RALYL: variants seen among roughly 807,000 people sequenced by gnomAD.
RALYL encodes the protein RNA-binding Raly-like protein.
RALYL carries 29 observed loss-of-function variants against 35.1 expected under a neutral mutation model. The observed-to-expected ratio is 0.83, with a 90% CI of 0.61 to 1.13. RALYL has a LOEUF of 1.13. Ranked by LOEUF, RALYL falls within the 50% of genes most tolerant of loss-of-function variation. The pLI is 0.00. For synonymous variants in RALYL, 120 were observed against 127.6 expected (o/e 0.94, Z 0.40); for missense variants, 359 against 360.4 (o/e 1.00, Z 0.03).
intron 4 of RALYL, among the ~76,000 whole-genome samples, chr8:84,820,053 G>A (rs1339986591): frequency 6.6e-6 from 1 of 151,914 alleles, no homozygotes; most frequent in Non-Finnish European, 1.5e-5. Context: ...ATTAGAGAGT[G>A]AGAGAGAGAG....
At chr8:84,514,527 G>A (rs1315909699) in intron 1 of RALYL, among the ~76,000 whole-genome samples, 1 of 152,124 alleles carries the variant, frequency 6.6e-6, no homozygotes, top group Non-Finnish European at 1.5e-5. Flanking sequence ...TGAAAGTTGT[G>A]TACTCACACA....
chr8:84,825,493 G>A (rs1013020820), intron 4 of RALYL, among the ~76,000 whole-genome samples: 9 of 152,038 alleles, frequency 5.9e-5, no homozygotes, highest in African/African-American at 1.2e-4. Flanking sequence ...ATCCCATTAC[G>A]GGGTATATAT....
chr8:84,912,417 A>G (rs543774334), intron 8 of RALYL, among the ~76,000 whole-genome samples: 2 of 152,078 alleles, frequency 1.3e-5, no homozygotes, highest in Non-Finnish European at 1.5e-5. Context: ...GTTTCAAAAA[A>G]GCATTGTTCA....
intron 1 of RALYL, among the ~76,000 whole-genome samples, chr8:84,293,220 T>A (rs919889676): frequency 6.6e-6 from 1 of 152,028 alleles, no homozygotes; most frequent in African/African-American, 2.4e-5. Flanking sequence ...TTTTTCAAAA[T>A]AGGAAGAAAA....
chr8:84,258,516 C>A (rs769055503), intron 1 of RALYL, among the ~76,000 whole-genome samples: 1 of 151,874 alleles, frequency 6.6e-6, no homozygotes, highest in Non-Finnish European at 1.5e-5. Context: ...AACTCCTCCT[C>A]CTTGCCCAAA....
At chr8:84,501,534 A>C (rs2056657507) in intron 1 of RALYL, among the ~76,000 whole-genome samples, 1 of 152,062 alleles carries the variant, frequency 6.6e-6, no homozygotes, top group Admixed American at 6.6e-5. Context: ...CATTTCCATA[A>C]GATATAAACA....
rs569046916 is a variant in RALYL at position 84,323,646 on chromosome 8, A to G, written c.-24+139222A>G. Among the ~76,000 whole-genome samples the G allele has an allele frequency of 1.0e-3, 156 of 152,208 alleles. 3 individuals carry two copies. The highest frequency in any genetic ancestry group is 3.7e-3 in the African/African-American group (153 of 41,584). On this transcript the variant is annotated intron_variant, in intron 1 of 8. Coordinates refer to ENST00000521268, the MANE Select transcript of RALYL (RefSeq NM_173848.7). ...AACCAGCACATCAGTAGGTAAAGGC[A>G]CTTGAAATGTTCTTCTAGATTAAAT...
intron 2 of RALYL, among the ~76,000 whole-genome samples, chr8:84,717,420 C>T: frequency 6.6e-6 from 1 of 152,076 alleles, no homozygotes; most frequent in East Asian, 1.9e-4. Context: ...TTACTACTGG[C>T]AGCAATTAAT....
intron 2 of RALYL, among the ~76,000 whole-genome samples, chr8:84,695,236 C>A (rs1200395819): frequency 6.6e-6 from 1 of 151,688 alleles, no homozygotes; most frequent in Non-Finnish European, 1.5e-5. Flanking sequence ...CTGTCACTAA[C>A]CTGTTCATGT....
chr8:84,886,151 TA>T (rs1842895694), intron 7 of RALYL, among the ~76,000 whole-genome samples: 1 of 152,152 alleles, frequency 6.6e-6, no homozygotes, highest in Non-Finnish European at 1.5e-5. Flanking sequence ...ACTACTGTCT[TA>T]TTTTCAATAA....
intron 1 of RALYL, among the ~76,000 whole-genome samples, chr8:84,263,124 A>C (rs948442840): frequency 1.3e-5 from 2 of 148,596 alleles, no homozygotes; most frequent in Admixed American, 1.3e-4. Context: ...TATGCAAATA[A>C]AATAAAGATT....
intron 1 of RALYL, among the ~76,000 whole-genome samples, chr8:84,199,933 T>C (rs1231818097): frequency 1.3e-5 from 2 of 152,176 alleles, no homozygotes; most frequent in African/African-American, 4.8e-5. Flanking sequence ...GCCAATTGCA[T>C]TGGAAGGTAA....
chr8:84,732,668 T>TTATATATATATATGTGTATA (rs1554553643), intron 2 of RALYL, among the ~76,000 whole-genome samples: 6 of 132,494 alleles, frequency 4.5e-5, no homozygotes, highest in African/African-American at 1.9e-4. Context: ...TATTAAATAA[T>TTATATATATATATGTGTATA]TATATATATA....
chr8:84,728,774 A>G (rs6993091), intron 2 of RALYL, among the ~76,000 whole-genome samples: 14 of 151,946 alleles, frequency 9.2e-5, no homozygotes, highest in Non-Finnish European at 1.6e-4. Flanking sequence ...TGTCAAAGAT[A>G]AGATAATTGT....
At chr8:84,515,213 ACAG>A (rs2057962110) in intron 1 of RALYL, among the ~76,000 whole-genome samples, 1 of 152,196 alleles carries the variant, frequency 6.6e-6, no homozygotes, top group Admixed American at 6.5e-5. Context: ...CTACATAGTG[ACAG>A]TGATTATTTC....
intron 1 of RALYL, among the ~76,000 whole-genome samples, chr8:84,420,376 C>T (rs529963470): frequency 6.6e-6 from 1 of 152,236 alleles, no homozygotes; most frequent in African/African-American, 2.4e-5. Flanking sequence ...GTCCTTCACC[C>T]ACTTTTTGAT....
intron 2 of RALYL, among the ~76,000 whole-genome samples, chr8:84,537,737 T>A (rs977830049): frequency 1.6e-4 from 24 of 152,202 alleles, no homozygotes; most frequent in African/African-American, 5.8e-4. Context: ...AAAAATTATC[T>A]TTCCAGCATC....
chr8:84,617,486 T>G (rs888933943), intron 2 of RALYL, among the ~76,000 whole-genome samples: 11 of 150,226 alleles, frequency 7.3e-5, no homozygotes, highest in Admixed American at 5.9e-4. Context: ...CTTAAGGAGA[T>G]TTTGGGCTGA....
At chr8:84,883,714 A>G (rs905931800) in intron 7 of RALYL, among the ~76,000 whole-genome samples, 1 of 152,086 alleles carries the variant, frequency 6.6e-6, no homozygotes, top group Non-Finnish European at 1.5e-5. Flanking sequence ...CTGTCTAAAC[A>G]TAGAACTAAA....
Sources: allele counts gnomAD v4.1 joint callset (sites outside exome capture counted in the v4.1 genomes callset), GRCh38; gene constraint gnomAD v4.1.1; transcripts MANE v1.5; gene names NCBI Gene and HGNC (gene_info 2026-07-23, HGNC 2026-07-21).